HDAC9: variants seen among roughly 807,000 people sequenced by gnomAD.
HDAC9 encodes histone deacetylase 9.
A neutral mutation model predicts 139.4 loss-of-function variants in HDAC9; 41 were observed. The observed-to-expected ratio is 0.29, with a 90% CI of 0.23 to 0.38. HDAC9 has a LOEUF of 0.38. Among genes scored for constraint, HDAC9 ranks in the 10% least tolerant of loss-of-function variants. HDAC9 has a pLI of 1.00. For synonymous variants in HDAC9, 517 were observed against 476.2 expected (o/e 1.09, Z -1.12); for missense variants, 1,147 against 1,297.0 (o/e 0.88, Z 1.78).
In HDAC9 at chr7:18,716,282, T is replaced by G. The variant is rs181971342; in HGVS notation, c.1732-11298T>G. Among the ~76,000 whole-genome samples the G allele has an allele frequency of 2.8e-4, 42 of 152,300 alleles. 1 individual carries two copies. Among genetic ancestry groups the G allele is most frequent in the African/African-American group, 9.6e-4 (40 of 41,576 alleles). On this transcript the variant is annotated intron_variant, in intron 12 of 25. Transcript: ENST00000686413. ...TTAAAATAACTTCAGTGTGCTCTCT[T>G]GAACATTTTTTTCTACAGGCAATTG...
chr7:18,548,923 A>G (rs1013117707), intron 2 of HDAC9, among the ~76,000 whole-genome samples: 52 of 152,200 alleles, frequency 3.4e-4, no homozygotes, highest in African/African-American at 1.2e-3. Context: ...ATTCTGGAAA[A>G]TAGTTTGGCT....
At chr7:18,835,393 T>A in intron 19 of HDAC9, 74 bp from the exon 20 acceptor site, 2 of 1,451,704 alleles carry the variant, frequency 1.4e-6, no homozygotes, top group Non-Finnish European at 1.9e-6. Context: ...GACAGGGAAC[T>A]AGAAATCAGA....
In HDAC9 at chr7:18,613,753, C is replaced by T. The variant is rs149622494; in HGVS notation, c.665-15597C>T. Among the ~76,000 whole-genome samples the T allele has an allele frequency of 5.4e-3, 821 of 152,112 alleles. 4 individuals carry two copies. The highest frequency in any genetic ancestry group is 0.019 in the African/African-American group (786 of 41,488). ...TGTATCATCTGATTCAGCGTTTGGT[C>T]TCTTCTAAATCAGTGTTCTGAAACA... On this transcript the variant is annotated intron_variant, in intron 6 of 25. Transcript: ENST00000686413.
intron 12 of HDAC9, among the ~76,000 whole-genome samples, chr7:18,682,272 T>C (rs140447430): frequency 2.6e-5 from 4 of 152,200 alleles, no homozygotes; most frequent in Admixed American, 6.5e-5. Context: ...TTTTCTCTTC[T>C]AATGCTTTCT....
chr7:18,431,842 G>A (rs1790699667), intron 1 of HDAC9, among the ~76,000 whole-genome samples: 1 of 152,168 alleles, frequency 6.6e-6, no homozygotes, highest in Non-Finnish European at 1.5e-5. Context: ...AAATCACGAA[G>A]TCAGTTTATT....
intron 21 of HDAC9, among the ~76,000 whole-genome samples, chr7:18,859,375 TG>T (rs1797919261): frequency 1.3e-5 from 2 of 152,182 alleles, no homozygotes; most frequent in African/African-American, 2.4e-5. Flanking sequence ...TCCTAGATCT[TG>T]GGCTGATCTC....
intron 2 of HDAC9, among the ~76,000 whole-genome samples, chr7:18,539,660 C>A (rs1812086244): frequency 6.6e-6 from 1 of 151,690 alleles, no homozygotes; most frequent in Non-Finnish European, 1.5e-5. Flanking sequence ...TTATTCCAAA[C>A]AAAAAGTTTG....
intron 15 of HDAC9, among the ~76,000 whole-genome samples, chr7:18,763,711 A>C (rs1180231011): frequency 6.6e-6 from 1 of 152,162 alleles, no homozygotes. Context: ...AGACATTTTA[A>C]TTGTCATGAT....
intron 16 of HDAC9, among the ~76,000 whole-genome samples, chr7:18,774,901 C>G (rs1790626226): frequency 6.6e-6 from 1 of 152,020 alleles, no homozygotes; most frequent in African/African-American, 2.4e-5. Context: ...AACATGCCTT[C>G]TTCGCTAAGC....
Position 18,953,899 on chromosome 7 carries a change from C to T in HDAC9, c.2938-247C>T, listed in dbSNP as rs181590865. Among the ~76,000 whole-genome samples, 107 of 152,200 alleles carry T rather than the reference C, an allele frequency of 7.0e-4. 1 individual carries two copies. Among genetic ancestry groups the T allele is most frequent in the Admixed American group, 6.8e-3 (103 of 15,256 alleles). ...TTTTAATGAATAATGCACAGACATG[C>T]ACCTGCTTCAGGGACTTCATAGATT... On this transcript the variant is annotated intron_variant, in intron 23 of 25. Transcript: ENST00000686413.
intron 22 of HDAC9, among the ~76,000 whole-genome samples, chr7:18,886,585 TGCCA>T (rs1800174560): frequency 6.6e-6 from 1 of 152,208 alleles, no homozygotes; most frequent in African/African-American, 2.4e-5. Flanking sequence ...ATTTATTTTG[TGCCA>T]CAATTGATGG....
At chr7:18,520,895 A>G (rs2128214554) in intron 2 of HDAC9, among the ~76,000 whole-genome samples, 1 of 152,342 alleles carries the variant, frequency 6.6e-6, no homozygotes, top group Middle Eastern at 3.4e-3. Context: ...GGGTCTTAAA[A>G]TAACCTGAAG....
chr7:18,329,313 C>T (rs992495831), intron 1 of HDAC9, among the ~76,000 whole-genome samples: 3 of 151,448 alleles, frequency 2.0e-5, no homozygotes, highest in African/African-American at 7.3e-5. Flanking sequence ...AGATTTTTAA[C>T]GTTCTCACCA....
At chr7:18,100,489 TC>T (rs1393155331) in intron 1 of HDAC9, among the ~76,000 whole-genome samples, 1 of 152,156 alleles carries the variant, frequency 6.6e-6, no homozygotes, top group African/African-American at 2.4e-5. Context: ...TTTTTTCTTC[TC>T]CATATGTTAC....
At chr7:18,871,377 T>A (rs1372018536) in intron 21 of HDAC9, among the ~76,000 whole-genome samples, 1 of 152,128 alleles carries the variant, frequency 6.6e-6, no homozygotes, top group East Asian at 1.9e-4. Context: ...CTGGGTCCTT[T>A]TATTGGAAAT....
intron 25 of HDAC9, among the ~76,000 whole-genome samples, chr7:18,980,388 T>C (rs1784824630): frequency 6.6e-6 from 1 of 152,226 alleles, no homozygotes; most frequent in African/African-American, 2.4e-5. Context: ...CTCTTACCAC[T>C]ACAGAGGAAG....
At position 18,749,101 on chromosome 7, in the gene HDAC9, C is replaced by A; in HGVS notation, c.2006C>A (p.Ser669Ter). The A allele has an allele frequency of 6.2e-7, 1 of 1,613,708 alleles. No homozygotes were observed. The highest frequency in any genetic ancestry group is 1.1e-5 in the South Asian group (1 of 91,016). The change falls in exon 14 of 26, where the codon TCA (serine) becomes TAA (stop). Residue 669 changes from serine (S) to a stop codon, truncating the protein, a stop_gained. Coordinates refer to ENST00000686413, the MANE Select transcript of HDAC9 (RefSeq NM_178425.4). LOFTEE classifies it high-confidence loss of function. ...EHAGRIQSIW[S>*]RLQETGLLNK... ...GCTGGACGAATACAGAGTATCTGGT[C>A]ACGACTGCAAGAAACTGGGCTGCTA...
At chr7:18,242,978 A>AC (rs1794287227) in intron 2 of HDAC9, among the ~76,000 whole-genome samples, 1 of 152,230 alleles carries the variant, frequency 6.6e-6, no homozygotes, top group Non-Finnish European at 1.5e-5. Context: ...ACTTCTGGAA[A>AC]AACAAATATT....
chr7:18,532,390 A>G (rs1216223907), intron 2 of HDAC9, among the ~76,000 whole-genome samples: 2 of 152,252 alleles, frequency 1.3e-5, no homozygotes, highest in Non-Finnish European at 2.9e-5. Flanking sequence ...ATGATTCTAA[A>G]GCAAGATTAA....
Sources: allele counts gnomAD v4.1 joint callset (sites outside exome capture counted in the v4.1 genomes callset), GRCh38; gene constraint gnomAD v4.1.1; transcripts MANE v1.5; gene names NCBI Gene and HGNC (gene_info 2026-07-23, HGNC 2026-07-21).